The following UNC5C variants were observed in gnomAD, a reference collection of about 807,000 sequenced individuals.
The protein encoded by UNC5C is netrin receptor UNC5C.
In UNC5C, 47 loss-of-function variants were observed where a neutral mutation model predicts 99.8. The ratio of observed to expected loss-of-function variants is 0.47; its 90% CI spans 0.37 to 0.60. The LOEUF (loss-of-function observed/expected upper bound fraction) is 0.60. UNC5C is among the 20% of genes least tolerant of loss of function. The probability of loss-of-function intolerance (pLI) is 0.00; values close to 1 mark genes in which losing one functional copy is unlikely to be tolerated. For synonymous variants in UNC5C, 487 were observed against 452.2 expected, an observed-to-expected ratio of 1.08 and a Z score of -0.98; for missense variants, 1,062 against 1,165.9, an observed-to-expected ratio of 0.91 and a Z score of 1.30.
At chr4:95,260,747 G>C (rs992313310) in intron 4 of UNC5C, among the ~76,000 whole-genome samples, 2 of 152,184 alleles carry the variant, frequency 1.3e-5, no homozygotes, top group African/African-American at 4.8e-5. Context: ...AGGGAGCAGA[G>C]AGAGTTCAAA....
At chr4:95,420,320 T>C (rs987998000) in intron 1 of UNC5C, among the ~76,000 whole-genome samples, 1 of 152,180 alleles carries the variant, frequency 6.6e-6, no homozygotes, top group Non-Finnish European at 1.5e-5. Context: ...TTTAGTCTAC[T>C]GTGTAAGCAA....
At chr4:95,187,418 T>C (rs981053195) in intron 12 of UNC5C, among the ~76,000 whole-genome samples, 2 of 152,122 alleles carry the variant, frequency 1.3e-5, no homozygotes, top group African/African-American at 4.8e-5. Flanking sequence ...TTCCAGGAGG[T>C]AATTGTACCC....
chr4:95,225,884 G>C (rs1054583280), intron 7 of UNC5C, among the ~76,000 whole-genome samples: 3 of 152,150 alleles, frequency 2.0e-5, no homozygotes, highest in Admixed American at 1.3e-4. Context: ...TGCAACTACA[G>C]AAGTAAAACA....
intron 1 of UNC5C, among the ~76,000 whole-genome samples, chr4:95,336,677 T>C (rs1743361806): frequency 6.6e-6 from 1 of 151,874 alleles, no homozygotes; most frequent in Non-Finnish European, 1.5e-5. Context: ...AGCTGTCAAA[T>C]AGTAATGATG....
intron 3 of UNC5C, among the ~76,000 whole-genome samples, chr4:95,288,349 C>T (rs1741318331): frequency 6.6e-6 from 1 of 152,090 alleles, no homozygotes; most frequent in Non-Finnish European, 1.5e-5. Flanking sequence ...TCCCAAACTG[C>T]TGGGATTACA....
intron 1 of UNC5C, among the ~76,000 whole-genome samples, chr4:95,338,213 T>G (rs1241570200): frequency 6.6e-6 from 1 of 152,018 alleles, no homozygotes; most frequent in Non-Finnish European, 1.5e-5. Context: ...CACCATCAAG[T>G]TAACATACTA....
intron 10 of UNC5C, 118 bp downstream of exon 10, chr4:95,216,006 T>C: frequency 1.4e-6 from 1 of 700,350 alleles, no homozygotes; most frequent in Non-Finnish European, 2.3e-6. Context: ...GGAAAAAGAA[T>C]GTATGCCAGA....
chr4:95,337,514 G>A (rs1325089414), intron 1 of UNC5C, among the ~76,000 whole-genome samples: 1 of 151,776 alleles, frequency 6.6e-6, no homozygotes, highest in Admixed American at 6.6e-5. Flanking sequence ...TTATTTTATT[G>A]TAAACTACTG....
Position 95,167,356 on chromosome 4 carries a change from G to A in UNC5C, c.*1878C>T, listed in dbSNP as rs565087041. The A allele has an allele frequency of 6.6e-6, 1 of 152,280 alleles. No individual in the cohort carries two copies. Among genetic ancestry groups the A allele is most frequent in the South Asian group, 2.1e-4 (1 of 4,820 alleles). 9.4% of individuals were successfully genotyped at this position (152,280 alleles called of 1,614,324 possible). A position where few individuals can be genotyped will look rare whatever the true frequency, so the allele number is the denominator to read the frequency against. ...TTAAAGAGCTTGTGATGGTCCCAAG[G>A]AAACATAATAGTTGTTTACACAAAG... On this transcript the variant is annotated 3_prime_UTR_variant, in exon 16 of 16. Coordinates refer to ENST00000453304, the MANE Select transcript of UNC5C (RefSeq NM_003728.4).
intron 1 of UNC5C, among the ~76,000 whole-genome samples, chr4:95,437,305 A>G (rs1383186550): frequency 6.6e-6 from 1 of 151,918 alleles, no homozygotes; most frequent in African/African-American, 2.4e-5. Context: ...TTGCATTTCT[A>G]TACTATCATA....
At chr4:95,204,833 G>C (rs146552333) in intron 11 of UNC5C, among the ~76,000 whole-genome samples, 29 of 152,302 alleles carry the variant, frequency 1.9e-4, no homozygotes, top group African/African-American at 5.8e-4. Flanking sequence ...GATGTGAAAG[G>C]TTGCCACCTA....
intron 14 of UNC5C, among the ~76,000 whole-genome samples, chr4:95,176,502 G>A (rs1448191603): frequency 2.0e-5 from 3 of 152,114 alleles, no homozygotes; most frequent in South Asian, 2.1e-4. Context: ...ATACCTGGCC[G>A]TGTGAGGTGT....
intron 1 of UNC5C, among the ~76,000 whole-genome samples, chr4:95,494,953 T>C (rs1315327763): frequency 6.6e-6 from 1 of 151,500 alleles, no homozygotes; most frequent in Admixed American, 6.6e-5. Context: ...CCACCATATA[T>C]AGAGAATATT....
At chr4:95,476,035 A>G (rs1027256614) in intron 1 of UNC5C, among the ~76,000 whole-genome samples, 3 of 152,136 alleles carry the variant, frequency 2.0e-5, no homozygotes, top group Admixed American at 6.6e-5. Context: ...CATATGATGA[A>G]CTGTAATAAC....
rs185562990 is a variant in UNC5C, at chr4:95,372,980, C to T, written c.125-37349G>A. On this transcript the variant is annotated intron_variant, in intron 1 of 15. Coordinates refer to ENST00000453304, the MANE Select transcript of UNC5C (RefSeq NM_003728.4). Reference sequence around the variant, plus strand: ...CAATACAAGGTTGTAGCAGATTCTGCCAGCACTCCTTGAAGCTAGGATTAA... The same window carrying T: ...CAATACAAGGTTGTAGCAGATTCTGTCAGCACTCCTTGAAGCTAGGATTAA... Among the ~76,000 whole-genome samples the T allele has an allele frequency of 2.0e-5, 3 of 152,260 alleles. No homozygotes were observed. The East Asian group carries it at 5.8e-4, about 29-fold the overall frequency.
intron 14 of UNC5C, among the ~76,000 whole-genome samples, chr4:95,174,880 G>T (rs1379481552): frequency 2.7e-5 from 4 of 150,000 alleles, no homozygotes; most frequent in Non-Finnish European, 4.5e-5. Flanking sequence ...GGGAGTCTAA[G>T]TCTCTTTGTA....
Position 95,335,782 on chromosome 4 carries a change from C to G in UNC5C, c.125-151G>C, listed in dbSNP as rs897003611. ...CCAGGCTGTATGTTAGATCTATTGA[C>G]TGGTCATTTAAGGATATGGATTATT... On this transcript the variant is annotated intron_variant, in intron 1 of 15. Transcript: ENST00000453304. 3.8e-5 allele frequency: 24 copies of G among 631,744 alleles called. No homozygotes were observed. The South Asian group carries it at 3.8e-4, about 10-fold the overall frequency. The allele number at this position is 631,744 out of a possible 1,614,324, so 39.1% of individuals were successfully genotyped here. A position where few individuals can be genotyped will look rare whatever the true frequency, so the allele number is the denominator to read the frequency against.
chr4:95,445,120 T>C (rs530862002), intron 1 of UNC5C, among the ~76,000 whole-genome samples: 12 of 152,266 alleles, frequency 7.9e-5, no homozygotes, highest in African/African-American at 2.6e-4. Context: ...TGCCTTTTGC[T>C]TTTCTATTTT....
At chr4:95,401,049 C>G (rs1298317587) in intron 1 of UNC5C, among the ~76,000 whole-genome samples, 2 of 152,032 alleles carry the variant, frequency 1.3e-5, no homozygotes, top group Admixed American at 1.3e-4. Context: ...AAGGTATTCT[C>G]TTTTTATTTT....
Sources: allele counts gnomAD v4.1 joint callset (sites outside exome capture counted in the v4.1 genomes callset), GRCh38; gene constraint gnomAD v4.1.1; transcripts MANE v1.5; gene names NCBI Gene and HGNC (gene_info 2026-07-23, HGNC 2026-07-21).